Variants in EDC3 observed in about 807,000 individuals in gnomAD.
EDC3 encodes enhancer of mRNA-decapping protein 3.
EDC3 carries 20 observed loss-of-function variants against 41.8 expected under a neutral mutation model. The observed-to-expected ratio is 0.48, with a 90% CI of 0.34 to 0.70. EDC3 has a LOEUF of 0.70. EDC3 is among the 30% of genes least tolerant of loss of function. The pLI is 0.01. For missense variants in EDC3, 444 were observed against 636.8 expected (o/e 0.70, Z 3.26); for synonymous variants, 206 against 243.2 (o/e 0.85, Z 1.42).
intron 4 of EDC3, among the ~76,000 whole-genome samples, chr15:74,650,817 G>A (rs1473908046): frequency 2.0e-5 from 3 of 152,044 alleles, no homozygotes; most frequent in Non-Finnish European, 4.4e-5. Flanking sequence ...GGCCAATATG[G>A]TGAAACCCCA....
intron 3 of EDC3, among the ~76,000 whole-genome samples, chr15:74,661,709 C>A (rs370472425): frequency 3.8e-5 from 5 of 130,238 alleles, no homozygotes; most frequent in African/African-American, 1.2e-4. Context: ...CCAGCCTGGG[C>A]GACAGGGCGA....
intron 3 of EDC3, among the ~76,000 whole-genome samples, chr15:74,668,725 T>TGAAA (rs1180905042): frequency 8.6e-5 from 5 of 58,438 alleles, no homozygotes; most frequent in Admixed American, 2.9e-4. Flanking sequence ...GTCTCAAAAA[T>TGAAA]GAATGAAAGA....
intron 4 of EDC3, among the ~76,000 whole-genome samples, chr15:74,654,211 G>A (rs961634749): frequency 7.4e-5 from 11 of 149,002 alleles, no homozygotes; most frequent in East Asian, 2.0e-4. Context: ...CAGAGATTGC[G>A]CCATTGCACT....
intron 1 of EDC3, among the ~76,000 whole-genome samples, chr15:74,678,418 A>G (rs1471279050): frequency 6.6e-6 from 1 of 152,216 alleles, no homozygotes; most frequent in Non-Finnish European, 1.5e-5. Flanking sequence ...TCTATTTAAT[A>G]GAAAAAACCA....
chr15:74,636,201 C>T (rs1461970046), intron 5 of EDC3: 3 of 155,338 alleles, frequency 1.9e-5, no homozygotes, highest in South Asian at 2.0e-4. Flanking sequence ...CTCCATTCTC[C>T]TCAGTCAGTT....
intron 6 of EDC3, among the ~76,000 whole-genome samples, chr15:74,634,896 A>G (rs2062252674): frequency 6.6e-6 from 1 of 152,058 alleles, no homozygotes. Context: ...TATTCCTTCA[A>G]TGACTGCCCA....
chr15:74,671,344 A>G lies in EDC3; in HGVS notation c.484+111T>C. 8.3e-7 allele frequency: 1 copy of G among 1,210,740 alleles called. No homozygotes were observed. Among genetic ancestry groups the G allele is most frequent in the African/African-American group, 1.5e-5 (1 of 66,054 alleles). The allele number at this position is 1,210,740 out of a possible 1,614,324, so 75.0% of individuals were successfully genotyped here. On this transcript the variant is annotated intron_variant, in intron 3 of 6. Transcript: ENST00000315127. This position sits in a 1 kb window ranked among gnomAD's most constrained non-coding sequence, Gnocchi z 4.6. ...TGTTGTATTTCTGTGACGCTCAGCC[A>G]GCATCCATTTTATTGGAATAACAAA...
intron 3 of EDC3, among the ~76,000 whole-genome samples, chr15:74,662,323 G>C (rs1336816305): frequency 6.6e-6 from 1 of 152,006 alleles, no homozygotes; most frequent in Admixed American, 6.6e-5. Flanking sequence ...AGCCAACAGA[G>C]GGCAGGAATG....
At chr15:74,672,826 AT>A (rs574259722) in intron 2 of EDC3, among the ~76,000 whole-genome samples, 53 of 149,992 alleles carry the variant, frequency 3.5e-4, no homozygotes, top group East Asian at 1.4e-3. Context: ...AAAAAAAAAA[AT>A]TTTTTTTTTT....
intron 1 of EDC3, among the ~76,000 whole-genome samples, chr15:74,677,862 A>AATGG (rs1489083196): frequency 7.9e-5 from 12 of 152,180 alleles, no homozygotes; most frequent in Admixed American, 7.9e-4. Context: ...TCAGTAGGTG[A>AATGG]ATGGATGAAT....
chr15:74,657,310 C>T (rs1397509172), intron 3 of EDC3, among the ~76,000 whole-genome samples: 3 of 152,220 alleles, frequency 2.0e-5, no homozygotes, highest in East Asian at 1.9e-4. Context: ...TGCCCAGAAG[C>T]GCTCATTCTG....
intron 4 of EDC3, among the ~76,000 whole-genome samples, chr15:74,654,115 T>C (rs753409898): frequency 1.1e-4 from 17 of 152,040 alleles, no homozygotes; most frequent in Non-Finnish European, 2.2e-4. Context: ...TAGCCAGGCA[T>C]GGTGGTGTGT....
intron 3 of EDC3, among the ~76,000 whole-genome samples, chr15:74,666,255 C>T (rs188179206): frequency 1.2e-4 from 19 of 152,296 alleles, no homozygotes; most frequent in East Asian, 5.8e-4. Context: ...TTCTGAGCCA[C>T]GTCTTATTGC....
chr15:74,684,478 C>CAAAA (rs1043252193), intron 1 of EDC3, among the ~76,000 whole-genome samples: 18 of 60,874 alleles, frequency 3.0e-4, no homozygotes, highest in East Asian at 8.2e-4. Context: ...GACTTTGTCT[C>CAAAA]AAAAAAAAAA....
At chr15:74,693,027 A>C (rs552107036) in intron 1 of EDC3, 2 of 152,336 alleles carry the variant, frequency 1.3e-5, no homozygotes, top group South Asian at 4.1e-4. Context: ...GCCTGAAATG[A>C]CAAGGAGAAA....
Position 74,632,578 on chromosome 15 carries a change from G to A in EDC3, c.*34C>T. ...AAGGCGTTTGTTATCAGGAGCAGCAGGGGACAGCAGAGTCCTGCCTGCGCA... is the reference window on the plus strand; with the variant it reads ...AAGGCGTTTGTTATCAGGAGCAGCAAGGGACAGCAGAGTCCTGCCTGCGCA... On this transcript the variant is annotated 3_prime_UTR_variant, in exon 7 of 7. Coordinates refer to ENST00000315127, the MANE Select transcript of EDC3 (RefSeq NM_025083.5). The surrounding 1 kb of genome is among the most constrained non-coding windows in gnomAD (Gnocchi z 4.0). 6.3e-7 allele frequency: 1 copy of A among 1,598,052 alleles called. No homozygotes were observed.
chr15:74,639,560 A>G (rs532578192), intron 5 of EDC3: 1 of 152,178 alleles, frequency 6.6e-6, no homozygotes, highest in South Asian at 2.1e-4. Context: ...CAGAAACACA[A>G]AAAATTAGCT....
At position 74,658,148 on chromosome 15, in the gene EDC3, T is replaced by C. The variant is rs536988789; in HGVS notation, c.485-2080A>G. ...ACCCTGAAAACGTGAATCAGGTGACTGGTATGCCAGACTGAACCTCTATCA... is the reference window on the plus strand; with the variant it reads ...ACCCTGAAAACGTGAATCAGGTGACCGGTATGCCAGACTGAACCTCTATCA... On this transcript the variant is annotated intron_variant, in intron 3 of 6. Transcript: ENST00000315127. Among the ~76,000 whole-genome samples, 100 of 152,342 alleles carry C rather than the reference T, an allele frequency of 6.6e-4. 1 individual carries two copies. Among genetic ancestry groups the C allele is most frequent in the African/African-American group, 2.3e-3 (95 of 41,580 alleles).
At chr15:74,652,463 C>T (rs1315194092) in intron 4 of EDC3, among the ~76,000 whole-genome samples, 1 of 152,136 alleles carries the variant, frequency 6.6e-6, no homozygotes, top group Admixed American at 6.5e-5. Flanking sequence ...CTCCTGACCT[C>T]GTGATCCACA....
Sources: gnomAD v4.1 joint callset for allele counts (sites outside exome capture counted in the v4.1 genomes callset) on GRCh38, gnomAD v4.1.1 for gene constraint, Gnocchi (gnomAD v3.1) non-coding constraint, MANE v1.5 for transcripts, NCBI Gene and HGNC (gene_info 2026-07-23, HGNC 2026-07-21) for gene names.